The following VTI1B variants were observed in gnomAD, a reference collection of about 807,000 sequenced individuals.
VTI1B encodes the protein vesicle transport through interaction with t-SNAREs homolog 1B.
A neutral mutation model predicts 28.6 loss-of-function variants in VTI1B; 18 were observed. The observed-to-expected ratio is 0.63, with a 90% CI of 0.43 to 0.93. The LOEUF (loss-of-function observed/expected upper bound fraction) is 0.93, where lower values mean the gene tolerates loss of function less well. VTI1B is among the 40% of genes least tolerant of loss of function. The pLI is 0.00. For missense variants in VTI1B, 283 were observed against 297.0 expected (o/e 0.95, Z 0.35); for synonymous variants, 100 against 107.9 (o/e 0.93, Z 0.46).
rs2037125074 is a variant in VTI1B, at chr14:67,648,140, C to T, written c.*3245G>A. 6.2e-7 allele frequency: 1 copy of T among 1,614,042 alleles called. No individual in the cohort carries two copies. Among genetic ancestry groups the T allele is most frequent in the East Asian group, 2.2e-5 (1 of 44,876 alleles). On this transcript the variant is annotated 3_prime_UTR_variant, in exon 6 of 6. Coordinates refer to ENST00000554659, the MANE Select transcript of VTI1B (RefSeq NM_006370.3). Reference sequence around the variant, plus strand: ...GAACTCCTGTTGTCGGGGGACTAACCTATCGAGAAGGCATGTATATTGCTG... The same window carrying T: ...GAACTCCTGTTGTCGGGGGACTAACTTATCGAGAAGGCATGTATATTGCTG...
intron 1 of VTI1B, among the ~76,000 whole-genome samples, chr14:67,673,003 T>A (rs988913293): frequency 6.6e-6 from 1 of 152,242 alleles, no homozygotes; most frequent in African/African-American, 2.4e-5. Flanking sequence ...TGACACTCAC[T>A]TCTCCCTGAT....
chr14:67,666,619 T>C (rs1452956715), intron 1 of VTI1B, among the ~76,000 whole-genome samples: 1 of 152,166 alleles, frequency 6.6e-6, no homozygotes, highest in African/African-American at 2.4e-5. Flanking sequence ...TTTTTAAAAA[T>C]TCTTTAGGCT....
intron 4 of VTI1B, among the ~76,000 whole-genome samples, chr14:67,653,989 T>C (rs2037221773): frequency 6.6e-6 from 1 of 152,192 alleles, no homozygotes; most frequent in South Asian, 2.1e-4. Context: ...TCCATGGAAC[T>C]TTCAACTGCT....
chr14:67,670,763 T>TTCAACACA (rs1469425145), intron 1 of VTI1B, among the ~76,000 whole-genome samples: 1 of 152,172 alleles, frequency 6.6e-6, no homozygotes, highest in Non-Finnish European at 1.5e-5. Context: ...CGTGACCTTG[T>TTCAACACA]GATCCGCCCG....
chr14:67,650,854 C>T lies in VTI1B; in HGVS notation c.*531G>A. ...AGACAAGAGAAGGAGGGCATATTGTCTATGACCAACTTCCTACTCCCAGTT... is the reference window on the plus strand; with the variant it reads ...AGACAAGAGAAGGAGGGCATATTGTTTATGACCAACTTCCTACTCCCAGTT... On this transcript the variant is annotated 3_prime_UTR_variant, in exon 6 of 6. Transcript: ENST00000554659. The T allele has an allele frequency of 6.2e-7, 1 of 1,614,206 alleles. No individual in the cohort carries two copies. Among genetic ancestry groups the T allele is most frequent in the Non-Finnish European group, 8.5e-7 (1 of 1,180,020 alleles).
At position 67,647,234 on chromosome 14, in the gene VTI1B, T is replaced by A. The variant is rs2037112576; in HGVS notation, c.*4151A>T. The A allele has an allele frequency of 2.2e-6, 1 of 459,558 alleles. No individual in the cohort carries two copies. Among genetic ancestry groups the A allele is most frequent in the South Asian group, 4.3e-5 (1 of 23,464 alleles). 28.5% of individuals were successfully genotyped at this position (459,558 alleles called of 1,614,324 possible). A position where few individuals can be genotyped will look rare whatever the true frequency, so the allele number is the denominator to read the frequency against. Reference sequence around the variant, plus strand: ...GGTTTCCTCTAAATCATTGCCTAGATCTTCTGTCTCATGAATTTTTCTTTA... The same window carrying A: ...GGTTTCCTCTAAATCATTGCCTAGAACTTCTGTCTCATGAATTTTTCTTTA... On this transcript the variant is annotated 3_prime_UTR_variant, in exon 6 of 6. Coordinates refer to ENST00000554659, the MANE Select transcript of VTI1B (RefSeq NM_006370.3).
At chr14:67,667,081 G>A (rs1373074651) in intron 1 of VTI1B, among the ~76,000 whole-genome samples, 3 of 152,162 alleles carry the variant, frequency 2.0e-5, no homozygotes, top group African/African-American at 7.2e-5. Context: ...AGTCACATGT[G>A]AGGGACTCTC....
At chr14:67,674,318 T>C (rs1483517479) in intron 1 of VTI1B, 57 bp downstream of exon 1, 8 of 1,446,712 alleles carry the variant, frequency 5.5e-6, no homozygotes, top group East Asian at 5.3e-5. Flanking sequence ...TGGGAGAATC[T>C]TCCTTCCAAA....
chr14:67,662,930 A>G (rs1187416122), intron 1 of VTI1B: 1 of 1,199,174 alleles, frequency 8.3e-7, no homozygotes, highest in Non-Finnish European at 1.1e-6. Context: ...AAGAATGTTT[A>G]CCAATAGTGA....
At chr14:67,667,374 T>C (rs1286942954) in intron 1 of VTI1B, among the ~76,000 whole-genome samples, 4 of 152,116 alleles carry the variant, frequency 2.6e-5, no homozygotes, top group Non-Finnish European at 5.9e-5. Flanking sequence ...CACCCTTTAT[T>C]TGTACACCGT....
Position 67,653,430 on chromosome 14 carries a change from AACTT to A in VTI1B, c.602+3_602+6del, listed in dbSNP as rs2037213913. The A allele has an allele frequency of 1.9e-6, 3 of 1,613,402 alleles. No individual in the cohort carries two copies. Among genetic ancestry groups the A allele is most frequent in the Non-Finnish European group, 1.7e-6 (2 of 1,179,588 alleles). ...AAGAGAAATTTCATGACTTTAATAA[AACTT>A]ACTTTCTGGACATTGAACGGAGAAT... On this transcript the variant is annotated splice_donor_5th_base_variant and intron_variant, in intron 5 of 5. Coordinates refer to ENST00000554659, the MANE Select transcript of VTI1B (RefSeq NM_006370.3).
At chr14:67,657,617 C>T (rs12432546) in intron 3 of VTI1B, among the ~76,000 whole-genome samples, 13,646 of 151,288 alleles carry the variant, frequency 0.09, 866 homozygotes, top group East Asian at 0.23. Context: ...CACACACACA[C>T]ACACACCCAA....
intron 2 of VTI1B, among the ~76,000 whole-genome samples, chr14:67,661,498 TGTGACA>T (rs2037334243): frequency 6.6e-6 from 1 of 150,964 alleles, no homozygotes; most frequent in Non-Finnish European, 1.5e-5. Context: ...CTACATTTTC[TGTGACA>T]GTAGGTTTAA....
At chr14:67,670,408 C>G (rs1016167502) in intron 1 of VTI1B, among the ~76,000 whole-genome samples, 3 of 152,084 alleles carry the variant, frequency 2.0e-5, no homozygotes, top group Admixed American at 6.6e-5. Context: ...GTTGCCTCTT[C>G]GCATTTCCCA....
At chr14:67,656,012 G>A (rs1205950454) in intron 4 of VTI1B, among the ~76,000 whole-genome samples, 1 of 152,124 alleles carries the variant, frequency 6.6e-6, no homozygotes, top group East Asian at 1.9e-4. Context: ...TTGGGAGGCC[G>A]GAGCAGGTGG....
intron 5 of VTI1B, among the ~76,000 whole-genome samples, chr14:67,653,181 C>T (rs2037209894): frequency 6.6e-6 from 1 of 152,190 alleles, no homozygotes; most frequent in South Asian, 2.1e-4. Flanking sequence ...AATGTCCTTT[C>T]AGTGGAGAAA....
chr14:67,651,543 TTGGGGTTAGACC>T, intron 5 of VTI1B, 62 bp from the exon 6 acceptor site: 4 of 1,582,242 alleles, frequency 2.5e-6, no homozygotes, highest in Non-Finnish European at 3.4e-6. Flanking sequence ...TCTAAACATT[TTGGGGTTAGACC>T]TGGGACCACG....
chr14:67,652,979 A>T (rs2037206535), intron 5 of VTI1B, among the ~76,000 whole-genome samples: 1 of 152,054 alleles, frequency 6.6e-6, no homozygotes, highest in African/African-American at 2.4e-5. Context: ...TTTAGTAGAG[A>T]CGGGTTTCAC....
Position 67,647,749 on chromosome 14 carries a change from G to A in VTI1B, c.*3636C>T. The A allele has an allele frequency of 3.7e-6, 1 of 268,838 alleles. No individual in the cohort carries two copies. The highest frequency in any genetic ancestry group is 7.2e-5 in the East Asian group (1 of 13,822). 16.7% of individuals were successfully genotyped at this position (268,838 alleles called of 1,614,324 possible). On this transcript the variant is annotated 3_prime_UTR_variant, in exon 6 of 6. Coordinates refer to ENST00000554659, the MANE Select transcript of VTI1B (RefSeq NM_006370.3). ...AAGTGAAGAAATCTCTCTATTGACA[G>A]TTATTAGTATAAGAGGTTCTAATAC...
Sources: gnomAD v4.1 joint callset for allele counts (sites outside exome capture counted in the v4.1 genomes callset) on GRCh38, gnomAD v4.1.1 for gene constraint, MANE v1.5 for transcripts, NCBI Gene and HGNC (gene_info 2026-07-23, HGNC 2026-07-21) for gene names.